ZNF766: variants seen among roughly 807,000 people sequenced by gnomAD.
The protein encoded by ZNF766 is zinc finger protein 766.
A neutral mutation model predicts 13.2 loss-of-function variants in ZNF766; 13 were observed. The ratio of observed to expected loss-of-function variants is 0.98; its 90% CI spans 0.64 to 1.56. The LOEUF (loss-of-function observed/expected upper bound fraction) is 1.56. Ranked by LOEUF, ZNF766 falls within the 40% of genes most tolerant of loss-of-function variation. The probability of loss-of-function intolerance (pLI) is 0.00; values close to 1 mark genes in which losing one functional copy is unlikely to be tolerated. For missense variants in ZNF766, 521 were observed against 552.2 expected, an observed-to-expected ratio of 0.94 and a Z score of 0.57; for synonymous variants, 178 against 187.6, an observed-to-expected ratio of 0.95 and a Z score of 0.42.
chr19:52,273,831 C>T (rs1168186913), intron 1 of ZNF766, among the ~76,000 whole-genome samples: 3 of 152,180 alleles, frequency 2.0e-5, no homozygotes, highest in Admixed American at 6.5e-5. Flanking sequence ...GGGCTTGCCC[C>T]GTCTGAGTGG....
rs368823771 is a variant in ZNF766 at position 52,290,461 on chromosome 19, G to T, written c.670G>T (p.Val224Phe). The T allele has an allele frequency of 6.2e-7, 1 of 1,613,846 alleles. No homozygotes were observed. The highest frequency in any genetic ancestry group is 8.5e-7 in the Non-Finnish European group (1 of 1,179,898). Reference sequence around the variant, plus strand: ...CAGATGTCATGAATGTGGTAAAACCGTCAGGGACAAGTCAGGCCTCGCAGA... The same window carrying T: ...CAGATGTCATGAATGTGGTAAAACCTTCAGGGACAAGTCAGGCCTCGCAGA... ...PNRCHECGKT[V>F]RDKSGLAEHW... Residue 224 changes from valine (V) to phenylalanine (F), a missense_variant, in exon 4 of 4, where the codon GTC becomes TTC. By Grantham distance (50) the Val-to-Phe change is conservative. Coordinates refer to ENST00000439461, the MANE Select transcript of ZNF766 (RefSeq NM_001010851.3).
rs906227000 is a variant in ZNF766 at position 52,293,365 on chromosome 19, G to T, written c.*2167G>T. The T allele has an allele frequency of 5.3e-5, 8 of 152,010 alleles. No homozygotes were observed. Among genetic ancestry groups the T allele is most frequent in the African/African-American group, 1.9e-4 (8 of 41,376 alleles). 9.4% of individuals were successfully genotyped at this position (152,010 alleles called of 1,614,324 possible). A position where few individuals can be genotyped will look rare whatever the true frequency, so the allele number is the denominator to read the frequency against. On this transcript the variant is annotated 3_prime_UTR_variant, in exon 4 of 4. Coordinates refer to ENST00000439461, the MANE Select transcript of ZNF766 (RefSeq NM_001010851.3). ...TTTTTTTGTATTTTTAGTAGAGATG[G>T]GGTTTCACCATGTTGGCCAGGCCGG...
Position 52,290,354 on chromosome 19 carries a change from A to T in ZNF766, c.563A>T (p.Glu188Val). Residue 188 changes from glutamate (E) to valine (V), a missense_variant, in exon 4 of 4, where the codon GAA becomes GTA. By Grantham distance (121) the Glu-to-Val change is moderately radical. Transcript: ENST00000439461. ...GCACACATTAGGAGAAAACCTTACG[A>T]ATGTAATGAGCAGGGCAAAGTCTTC... is the stretch of plus-strand genomic sequence containing the variant. Reference protein sequence around the residue: ...QKAHIRRKPYECNEQGKVFRV... With the variant: ...QKAHIRRKPYVCNEQGKVFRV... 2 of 1,614,102 alleles carry T rather than the reference A, an allele frequency of 1.2e-6. No individual in the cohort carries two copies. Among genetic ancestry groups the T allele is most frequent in the Non-Finnish European group, 1.7e-6 (2 of 1,180,040 alleles).
Position 52,275,139 on chromosome 19 carries a change from T to C in ZNF766, c.18+5508T>C, listed in dbSNP as rs146350183. On this transcript the variant is annotated intron_variant, in intron 1 of 3. Transcript: ENST00000439461. ...TTCAGGAGGCGTCTGGGAGAAACCA[T>C]TGTTACCATAGGAGGACTTTCTGGT... 3.6e-3 allele frequency among the ~76,000 whole-genome samples: 549 copies of C among 152,210 alleles called. 2 individuals carry two copies. The highest frequency in any genetic ancestry group is 6.0e-3 in the Non-Finnish European group (405 of 68,018).
rs1982045795 is a variant in ZNF766 at position 52,290,107 on chromosome 19, A to G, written c.316A>G (p.Ile106Val). ...GAGAAGCAAAGCAGGAAACAAGCCT[A>G]TTACAAATCAACTTGGATTAACCTT... ...AVRSKAGNKP[I>V]TNQLGLTFQL... is the part of the protein sequence containing the mutation. Residue 106 changes from isoleucine to valine, a missense_variant, in exon 4 of 4, where the codon ATT (isoleucine) becomes GTT (valine). Physicochemically the swap from Ile to Val is conservative, Grantham distance 29. Transcript: ENST00000439461. 1 of 1,613,948 alleles carries G rather than the reference A, an allele frequency of 6.2e-7. No homozygotes were observed. The highest frequency in any genetic ancestry group is 8.5e-7 in the Non-Finnish European group (1 of 1,179,892).
rs1982275345 is a variant in ZNF766 at position 52,294,617 on chromosome 19, G to C, written c.*3419G>C. On this transcript the variant is annotated 3_prime_UTR_variant, in exon 4 of 4. Transcript: ENST00000439461. ...ACTTTCAGCTGGTGCCAAAGGAGTG[G>C]GCACTGAGGATTTTTCAGTTGACCA... 6.6e-6 allele frequency: 1 copy of C among 152,158 alleles called. No individual in the cohort carries two copies. The highest frequency in any genetic ancestry group is 2.1e-4 in the South Asian group (1 of 4,824). 9.4% of individuals were successfully genotyped at this position (152,158 alleles called of 1,614,324 possible).
intron 1 of ZNF766, among the ~76,000 whole-genome samples, chr19:52,269,949 C>A (rs1313805994): frequency 6.6e-6 from 1 of 152,204 alleles, no homozygotes; most frequent in East Asian, 1.9e-4. Flanking sequence ...TCCCAAGCCT[C>A]GTCCTTGTCG....
chr19:52,286,672 G>A (rs1375095372), intron 3 of ZNF766, among the ~76,000 whole-genome samples: 4 of 152,150 alleles, frequency 2.6e-5, no homozygotes, highest in Non-Finnish European at 5.9e-5. Context: ...GTTATTGTGG[G>A]ATATTACATA....
intron 3 of ZNF766, chr19:52,287,991 T>A: frequency 2.3e-6 from 1 of 427,394 alleles, no homozygotes. Context: ...CTTTATTTTT[T>A]CTTTCTGCTA....
At chr19:52,285,756 C>T (rs745621587) in intron 3 of ZNF766, among the ~76,000 whole-genome samples, 3 of 152,072 alleles carry the variant, frequency 2.0e-5, no homozygotes, top group African/African-American at 7.2e-5. Flanking sequence ...TCTTAAGACC[C>T]GCAATCAGAA....
Position 52,294,251 on chromosome 19 carries a change from A to C in ZNF766, c.*3053A>C, listed in dbSNP as rs1982265893. The C allele has an allele frequency of 6.6e-6, 1 of 152,208 alleles. No homozygotes were observed. Among genetic ancestry groups the C allele is most frequent in the Non-Finnish European group, 1.5e-5 (1 of 68,040 alleles). 9.4% of individuals were successfully genotyped at this position (152,208 alleles called of 1,614,324 possible). The stretch of plus-strand genomic sequence containing the variant: ...ATTAATGTTCAGAAATGTTCTCTTG[A>C]GGATGAACACACAGATTGGGAATTT... On this transcript the variant is annotated 3_prime_UTR_variant, in exon 4 of 4. Transcript: ENST00000439461.
intron 1 of ZNF766, chr19:52,277,532 A>G (rs1237780055): frequency 7.6e-6 from 12 of 1,575,084 alleles, no homozygotes; most frequent in Middle Eastern, 1.7e-4. Context: ...CAGGCATGCC[A>G]CTTACTCAGG....
chr19:52,291,099 G>C lies in ZNF766; in HGVS notation c.1308G>C (p.Glu436Asp), dbSNP rs746863396. Reference sequence around the variant, plus strand: ...ATCATCAGAGAATCCACACTGGAGAGAAACCTTACAAATGCCATGTGTGTG... The same window carrying C: ...ATCATCAGAGAATCCACACTGGAGACAAACCTTACAAATGCCATGTGTGTG... ...LANHQRIHTG[E>D]KPYKCHVCGK... Residue 436 changes from glutamate (E) to aspartate (D), a missense_variant, in exon 4 of 4, where the codon GAG (glutamate) becomes GAC (aspartate). Glu to Asp is a conservative substitution (Grantham distance 45). Coordinates refer to ENST00000439461, the MANE Select transcript of ZNF766 (RefSeq NM_001010851.3). 20 of 1,614,042 alleles carry C rather than the reference G, an allele frequency of 1.2e-5. 1 individual carries two copies. The South Asian group carries it at 2.2e-4, about 18-fold the overall frequency.
rs1411439421 is a variant in ZNF766 at position 52,295,323 on chromosome 19, G to C, written c.*4125G>C. The C allele has an allele frequency of 6.6e-6, 1 of 152,078 alleles. No individual in the cohort carries two copies. The highest frequency in any genetic ancestry group is 1.5e-5 in the Non-Finnish European group (1 of 68,040). 9.4% of individuals were successfully genotyped at this position (152,078 alleles called of 1,614,324 possible). A position where few individuals can be genotyped will look rare whatever the true frequency, so the allele number is the denominator to read the frequency against. On this transcript the variant is annotated 3_prime_UTR_variant, in exon 4 of 4. Coordinates refer to ENST00000439461, the MANE Select transcript of ZNF766 (RefSeq NM_001010851.3). ...GGCCTCCCGAATAGCTGGGATTACA[G>C]ACATGCACCATCACCACACCTGGCT...
chr19:52,285,220 C>CAGA (rs1469695163), intron 3 of ZNF766: 2 of 152,226 alleles, frequency 1.3e-5, no homozygotes, highest in African/African-American at 4.8e-5. Flanking sequence ...ATTATCAACA[C>CAGA]AGAAGAAGAC....
intron 1 of ZNF766, among the ~76,000 whole-genome samples, chr19:52,277,855 G>T (rs925276363): frequency 3.3e-5 from 5 of 152,098 alleles, no homozygotes; most frequent in African/African-American, 1.2e-4. Flanking sequence ...GCCACATCTG[G>T]ATGCTCTGTC....
rs1357677195 is a variant in ZNF766 at position 52,290,939 on chromosome 19, A to G, written c.1148A>G (p.Tyr383Cys). The G allele has an allele frequency of 4.3e-6, 7 of 1,614,180 alleles. No individual in the cohort carries two copies. In the South Asian group the frequency reaches 7.7e-5, roughly 18 times the overall value. ...HQRNHNGEKP[Y>C]KCHECGKVFT... Reference sequence around the variant, plus strand: ...AGAAATCATAATGGAGAGAAACCTTATAAATGTCATGAATGTGGCAAAGTC... The same window carrying G: ...AGAAATCATAATGGAGAGAAACCTTGTAAATGTCATGAATGTGGCAAAGTC... Residue 383 changes from tyrosine (Y) to cysteine (C), a missense_variant, in exon 4 of 4, where the codon TAT becomes TGT. Coordinates refer to ENST00000439461, the MANE Select transcript of ZNF766 (RefSeq NM_001010851.3).
intron 1 of ZNF766, chr19:52,277,018 C>T: frequency 2.6e-6 from 2 of 761,772 alleles, no homozygotes. Flanking sequence ...GTTTATTGTC[C>T]CGGCATCAAC....
Position 52,290,328 on chromosome 19 carries a change from A to G in ZNF766, c.537A>G (p.Lys179=), listed in dbSNP as rs1568623178. 1 of 1,614,088 alleles carries G rather than the reference A, an allele frequency of 6.2e-7. No homozygotes were observed. The highest frequency in any genetic ancestry group is 8.5e-7 in the Non-Finnish European group (1 of 1,179,978). ...TTCCATTGCTGTCACAAGAACAGAA[A>G]GCACACATTAGGAGAAAACCTTACG... ...VDFPLLSQEQ[K]AHIRRKPYEC... The change falls in exon 4 of 4, where the codon AAA becomes AAG. Residue 179 remains lysine (K), a synonymous_variant. Transcript: ENST00000439461.
Sources: allele counts gnomAD v4.1 joint callset (sites outside exome capture counted in the v4.1 genomes callset), GRCh38; gene constraint gnomAD v4.1.1; transcripts MANE v1.5; gene names NCBI Gene and HGNC (gene_info 2026-07-23, HGNC 2026-07-21).